MND1: variants seen among roughly 807,000 people sequenced by gnomAD.
MND1 encodes meiotic nuclear divisions 1, also known as meiotic nuclear division protein 1 homolog.
MND1 carries 28 observed loss-of-function variants against 35.1 expected under a neutral mutation model. The observed-to-expected ratio is 0.80, with a 90% CI of 0.59 to 1.09. MND1 has a LOEUF of 1.09. Ranked by LOEUF, MND1 falls within the 50% of genes least tolerant of loss-of-function variation. The pLI, the probability that MND1 is intolerant of heterozygous loss-of-function variation, is 0.00. For synonymous variants in MND1, 69 were observed against 70.5 expected, an observed-to-expected ratio of 0.98 and a Z score of 0.11; for missense variants, 213 against 239.6, an observed-to-expected ratio of 0.89 and a Z score of 0.73.
intron 6 of MND1, among the ~76,000 whole-genome samples, chr4:153,402,005 A>G (rs1298547761): frequency 6.6e-6 from 1 of 152,104 alleles, no homozygotes. Flanking sequence ...AAATACAACA[A>G]TTAGCCAGGC....
At chr4:153,371,575 T>C (rs1773790004) in intron 4 of MND1, among the ~76,000 whole-genome samples, 1 of 152,090 alleles carries the variant, frequency 6.6e-6, no homozygotes, top group African/African-American at 2.4e-5. Context: ...ACTTTTTCTG[T>C]GCAGCTTCCT....
chr4:153,375,421 T>C (rs1368661273), intron 4 of MND1, among the ~76,000 whole-genome samples: 1 of 152,140 alleles, frequency 6.6e-6, no homozygotes. Context: ...TAGTAAATGA[T>C]GAAGCAAGAT....
rs766087847 is a variant in MND1, at chr4:153,350,085, G to A, written c.25G>A (p.Ala9Thr). Residue 9 changes from alanine (A) to threonine (T), a missense_variant, in exon 2 of 8, where the codon GCA becomes ACA. Transcript: ENST00000240488. MSKKKGLS[A>T]EEKRTRMMEI... ...TTAGTCAAAGAAAAAAGGACTGAGT[G>A]CAGAAGAAAAGAGAACTCGCATGAT... 23 of 1,606,564 alleles carry A rather than the reference G, an allele frequency of 1.4e-5. No individual in the cohort carries two copies. The East Asian group carries it at 4.7e-4, about 33-fold the overall frequency.
intron 4 of MND1, chr4:153,363,078 T>G (rs1773534954): frequency 1.3e-5 from 12 of 908,036 alleles, no homozygotes; most frequent in Non-Finnish European, 1.3e-5. Context: ...AGCTATATGC[T>G]GGAGCTCAGT....
intron 4 of MND1, among the ~76,000 whole-genome samples, chr4:153,366,012 A>G (rs1223143058): frequency 6.6e-6 from 1 of 152,194 alleles, no homozygotes; most frequent in African/African-American, 2.4e-5. Context: ...CAGTGTTACT[A>G]GGCCAAAATC....
chr4:153,377,845 A>G (rs1354230716), intron 4 of MND1, among the ~76,000 whole-genome samples: 6 of 152,292 alleles, frequency 3.9e-5, no homozygotes, highest in Admixed American at 6.5e-5. Context: ...TTCTTTATCT[A>G]TAATGGACCA....
chr4:153,371,172 G>A (rs1457066389), intron 4 of MND1, among the ~76,000 whole-genome samples: 2 of 152,048 alleles, frequency 1.3e-5, no homozygotes, highest in Non-Finnish European at 2.9e-5. Flanking sequence ...TCGATATGCT[G>A]TCATCTGAGC....
At chr4:153,372,459 C>T (rs1427654287) in intron 4 of MND1, among the ~76,000 whole-genome samples, 5 of 152,098 alleles carry the variant, frequency 3.3e-5, no homozygotes, top group African/African-American at 9.7e-5. Context: ...AAATGACATA[C>T]AAAAACCTGC....
intron 4 of MND1, chr4:153,362,904 T>A: frequency 1.6e-6 from 1 of 623,044 alleles, no homozygotes; most frequent in Non-Finnish European, 2.0e-6. Context: ...CACCGCCTCA[T>A]GTTTTATACA....
intron 7 of MND1, among the ~76,000 whole-genome samples, chr4:153,409,627 C>A (rs1313349560): frequency 6.6e-6 from 1 of 152,142 alleles, no homozygotes; most frequent in Non-Finnish European, 1.5e-5. Context: ...TTAGTCACTG[C>A]AAGAACAGAT....
intron 4 of MND1, among the ~76,000 whole-genome samples, chr4:153,360,709 G>C (rs530702807): frequency 6.7e-4 from 99 of 148,744 alleles, no homozygotes; most frequent in African/African-American, 2.3e-3. Context: ...ATTTTTGTGT[G>C]TGTGTGAGAC....
intron 3 of MND1, among the ~76,000 whole-genome samples, chr4:153,356,624 A>G (rs1408026262): frequency 1.4e-5 from 2 of 148,112 alleles, no homozygotes; most frequent in Non-Finnish European, 3.0e-5. Flanking sequence ...ACGTTTCTCC[A>G]CCCATACTGA....
At chr4:153,353,935 G>T (rs574236635) in intron 2 of MND1, among the ~76,000 whole-genome samples, 1,565 of 152,280 alleles carry the variant, frequency 0.01, 18 homozygotes, top group Non-Finnish European at 0.018. Context: ...GGCCATGCTG[G>T]TCTAGAACTC....
chr4:153,357,385 A>C (rs965716923), intron 3 of MND1, among the ~76,000 whole-genome samples: 1 of 152,218 alleles, frequency 6.6e-6, no homozygotes, highest in Non-Finnish European at 1.5e-5. Flanking sequence ...CAAGATTGGG[A>C]TACCAATCCC....
intron 4 of MND1, among the ~76,000 whole-genome samples, chr4:153,359,219 G>A (rs568179315): frequency 7.9e-5 from 12 of 152,158 alleles, no homozygotes; most frequent in Non-Finnish European, 1.5e-4. Flanking sequence ...TCCCGAAACC[G>A]TAGCAACCAC....
chr4:153,395,270 T>C (rs1243969991), intron 5 of MND1, among the ~76,000 whole-genome samples: 1 of 152,208 alleles, frequency 6.6e-6, no homozygotes, highest in Non-Finnish European at 1.5e-5. Context: ...TCTTTATTTG[T>C]TCCTTTTGTT....
intron 7 of MND1, among the ~76,000 whole-genome samples, chr4:153,413,654 C>T (rs1285875919): frequency 6.6e-6 from 1 of 150,962 alleles, no homozygotes; most frequent in African/African-American, 2.4e-5. Flanking sequence ...TGCCCTCCAG[C>T]CTGGGAGACA....
At chr4:153,360,602 G>GTATA (rs70963164) in intron 4 of MND1, among the ~76,000 whole-genome samples, 1,977 of 145,550 alleles carry the variant, frequency 0.014, 42 homozygotes, top group African/African-American at 0.046. Flanking sequence ...GTGTGTGTGT[G>GTATA]TGTGTATATA....
chr4:153,360,906 C>G (rs922178804), intron 4 of MND1, among the ~76,000 whole-genome samples: 4 of 152,104 alleles, frequency 2.6e-5, no homozygotes, highest in African/African-American at 9.7e-5. Context: ...GTGTCGCAAA[C>G]ATGGCTCACT....
Sources: allele counts gnomAD v4.1 joint callset (sites outside exome capture counted in the v4.1 genomes callset), GRCh38; gene constraint gnomAD v4.1.1; transcripts MANE v1.5; gene names NCBI Gene and HGNC (gene_info 2026-07-23, HGNC 2026-07-21).